PSD3: variants seen among roughly 807,000 people sequenced by gnomAD.
The protein encoded by PSD3 is pleckstrin and Sec7 domain containing 3.
In PSD3, 49 loss-of-function variants were observed where a neutral mutation model predicts 105.5. That is an observed-to-expected ratio of 0.46 (90% CI 0.37 to 0.59). The LOEUF is 0.59. Among genes scored for constraint, PSD3 ranks in the 20% least tolerant of loss-of-function variants. PSD3 has a pLI of 0.00. For synonymous variants in PSD3, 557 were observed against 457.8 expected, an observed-to-expected ratio of 1.22 and a Z score of -2.77; for missense variants, 1,561 against 1,263.8, an observed-to-expected ratio of 1.24 and a Z score of -3.57.
chr8:18,765,416 G>A (rs1436728426), intron 9 of PSD3, 33 bp downstream of exon 9: 5 of 1,521,334 alleles, frequency 3.3e-6, no homozygotes, highest in Non-Finnish European at 4.6e-6. Flanking sequence ...AGAAATACAA[G>A]CATACACTAA....
intron 8 of PSD3, among the ~76,000 whole-genome samples, chr8:18,778,472 G>T (rs974745731): frequency 6.6e-6 from 1 of 151,996 alleles, no homozygotes; most frequent in African/African-American, 2.4e-5. Flanking sequence ...GGTTACTCTG[G>T]CTAGGACTTC....
chr8:19,007,754 T>C (rs1826761425), intron 1 of PSD3, among the ~76,000 whole-genome samples: 1 of 152,210 alleles, frequency 6.6e-6, no homozygotes, highest in African/African-American at 2.4e-5. Flanking sequence ...CATAATAATA[T>C]CTGTACTTCA....
At chr8:18,979,807 C>T (rs1045844258) in intron 1 of PSD3, 8 of 152,764 alleles carry the variant, frequency 5.2e-5, no homozygotes, top group Non-Finnish European at 1.0e-4. Flanking sequence ...AGAATATACT[C>T]TCCTACTGTA....
intron 14 of PSD3, among the ~76,000 whole-genome samples, chr8:18,565,745 AAGAT>A (rs1801700153): frequency 6.6e-6 from 1 of 152,130 alleles, no homozygotes; most frequent in South Asian, 2.1e-4. Context: ...TGGGGAAAAA[AAGAT>A]AGCTGGTCTC....
intron 2 of PSD3, among the ~76,000 whole-genome samples, chr8:18,910,649 A>T (rs1586397034): frequency 6.7e-6 from 1 of 149,614 alleles, no homozygotes; most frequent in Admixed American, 6.6e-5. Flanking sequence ...AAAAAAAAAA[A>T]AAAAAAAAAA....
chr8:18,710,720 C>T (rs909093555), intron 9 of PSD3, among the ~76,000 whole-genome samples: 4 of 151,882 alleles, frequency 2.6e-5, no homozygotes, highest in Admixed American at 6.6e-5. Context: ...CTCTCTCTGT[C>T]GCCAAGGCTG....
At chr8:18,974,707 G>A (rs894151471) in intron 1 of PSD3, among the ~76,000 whole-genome samples, 2 of 151,950 alleles carry the variant, frequency 1.3e-5, no homozygotes, top group Admixed American at 6.6e-5. Flanking sequence ...AAGGGGCAGG[G>A]GAACAGGGGT....
chr8:18,762,961 G>C (rs1286715904), intron 9 of PSD3: 34 of 1,280,212 alleles, frequency 2.7e-5, no homozygotes, highest in Non-Finnish European at 3.5e-5. Context: ...ATATTTCTCA[G>C]TAGTCTGTGA....
At chr8:18,636,829 T>C (rs759598318) in intron 10 of PSD3, among the ~76,000 whole-genome samples, 7 of 152,236 alleles carry the variant, frequency 4.6e-5, no homozygotes, top group Non-Finnish European at 1.0e-4. Flanking sequence ...ATAGTACACA[T>C]GATGTTCACA....
At chr8:18,735,905 G>A (rs1456836884) in intron 9 of PSD3, among the ~76,000 whole-genome samples, 1 of 152,014 alleles carries the variant, frequency 6.6e-6, no homozygotes, top group East Asian at 1.9e-4. Context: ...AACAAAGATT[G>A]TCAAGCAGAA....
chr8:18,990,647 A>C (rs771173300), intron 1 of PSD3, among the ~76,000 whole-genome samples: 8 of 152,218 alleles, frequency 5.3e-5, no homozygotes, highest in Non-Finnish European at 1.0e-4. Context: ...ATCTACAATT[A>C]CCAGGATATT....
chr8:18,915,197 T>C (rs1016764865), intron 2 of PSD3, among the ~76,000 whole-genome samples: 6 of 152,068 alleles, frequency 3.9e-5, no homozygotes, highest in African/African-American at 1.4e-4. Context: ...TCACCTCAAA[T>C]GGATTAAAGA....
chr8:18,858,475 T>C (rs1269559903), intron 4 of PSD3, among the ~76,000 whole-genome samples: 1 of 152,212 alleles, frequency 6.6e-6, no homozygotes, highest in Non-Finnish European at 1.5e-5. Context: ...TGAAGTTTGC[T>C]GCATCAATGG....
intron 2 of PSD3, among the ~76,000 whole-genome samples, chr8:18,921,127 A>G (rs1479886497): frequency 1.3e-5 from 2 of 152,212 alleles, no homozygotes; most frequent in South Asian, 2.1e-4. Context: ...TTTTTTTAAC[A>G]ATCAAATTGC....
At chr8:18,826,314 T>C in intron 4 of PSD3, among the ~76,000 whole-genome samples, 1 of 152,174 alleles carries the variant, frequency 6.6e-6, no homozygotes, top group East Asian at 1.9e-4. Flanking sequence ...TTCCCTATAA[T>C]GAATCTCATG....
chr8:18,734,211 C>G (rs1803982405), intron 9 of PSD3: 1 of 152,096 alleles, frequency 6.6e-6, no homozygotes, highest in Admixed American at 6.6e-5. Flanking sequence ...TATGTATAGC[C>G]TTTGGAAAAT....
rs532276575 is a variant in PSD3 at position 18,874,844 on chromosome 8, G to A, written c.131-2111C>T. Among the ~76,000 whole-genome samples, 13 of 152,050 alleles carry A rather than the reference G, an allele frequency of 8.5e-5. No homozygotes were observed. The East Asian group carries it at 2.5e-3, about 29-fold the overall frequency. On this transcript the variant is annotated intron_variant, in intron 2 of 15. Transcript: ENST00000327040. ...TTGAACACACGGTATCCCCCAGTGT[G>A]TTAAATAGCAATACCTCTGAGAGTA...
intron 15 of PSD3, among the ~76,000 whole-genome samples, chr8:18,539,872 A>C (rs1800060628): frequency 6.6e-6 from 1 of 152,154 alleles, no homozygotes; most frequent in Non-Finnish European, 1.5e-5. Context: ...AAGGTTTGAC[A>C]CACCAGCTCA....
rs1585178967 is a variant in PSD3 at position 18,527,641 on chromosome 8, G to A, written c.*8102C>T. On this transcript the variant is annotated 3_prime_UTR_variant, in exon 16 of 16. Transcript: ENST00000327040. ...TATTTTAATAAAAAATAAAGCAATT[G>A]TAAAATGTAAACTTAATTGTCAAAA... 1 of 152,706 alleles carries A rather than the reference G, an allele frequency of 6.5e-6. No homozygotes were observed. Among genetic ancestry groups the A allele is most frequent in the African/African-American group, 2.4e-5 (1 of 41,554 alleles). 9.5% of individuals were successfully genotyped at this position (152,706 alleles called of 1,614,324 possible).
Sources: gnomAD v4.1 joint callset for allele counts (sites outside exome capture counted in the v4.1 genomes callset) on GRCh38, gnomAD v4.1.1 for gene constraint, MANE v1.5 for transcripts, NCBI Gene and HGNC (gene_info 2026-07-23, HGNC 2026-07-21) for gene names.